PDE4DIP: variants seen among roughly 807,000 people sequenced by gnomAD.
PDE4DIP encodes phosphodiesterase 4D interacting protein, also known as myomegalin.
A neutral mutation model predicts 221.4 loss-of-function variants in PDE4DIP; 59 were observed. That is an observed-to-expected ratio of 0.27 (90% confidence interval 0.22 to 0.33). PDE4DIP has a LOEUF of 0.33. Ranked by LOEUF, PDE4DIP falls within the 10% of genes least tolerant of loss-of-function variation. The pLI, the probability that PDE4DIP is intolerant of heterozygous loss-of-function variation, is 1.00. For synonymous variants in PDE4DIP, 404 were observed against 815.9 expected (o/e 0.50, Z 8.60); for missense variants, 1,036 against 2,154.2 (o/e 0.48, Z 10.28).
chr1:148,892,363 G>A (rs1378091946), intron 1 of PDE4DIP, among the ~76,000 whole-genome samples: 4 of 121,358 alleles, frequency 3.3e-5, no homozygotes, highest in African/African-American at 3.4e-5. Context: ...TCTCTGCTCC[G>A]CCCTAGCGAA....
rs1414395788 is a variant in PDE4DIP, at chr1:148,892,019, T to C, written c.141+2125T>C. Among the ~76,000 whole-genome samples the C allele has an allele frequency of 2.6e-4, 26 of 99,080 alleles. 2 individuals are homozygous for C. The highest frequency in any genetic ancestry group is 1.9e-3 in the Admixed American group (18 of 9,308). 65.0% of individuals were successfully genotyped at this position (99,080 alleles called of 152,430 possible). On this transcript the variant is annotated intron_variant, in intron 1 of 43. Coordinates refer to ENST00000369354, the Ensembl canonical transcript of PDE4DIP. Reference sequence around the variant, plus strand: ...GGAAAGGATTTTGTTGTTGTTGTTGTTGTTCTGAGACAGAGTCTCACTCTG... The same window carrying C: ...GGAAAGGATTTTGTTGTTGTTGTTGCTGTTCTGAGACAGAGTCTCACTCTG...
exon 21 of PDE4DIP, chr1:148,981,276 G>A: frequency 6.2e-7 from 1 of 1,613,234 alleles, no homozygotes; most frequent in Non-Finnish European, 8.5e-7. Context: ...TCAGCTCTGA[G>A]AGAGACCGAA....
intron 5 of PDE4DIP, among the ~76,000 whole-genome samples, chr1:148,948,335 A>AT (rs1422094841): frequency 1.3e-5 from 2 of 152,138 alleles, no homozygotes; most frequent in Non-Finnish European, 2.9e-5. Flanking sequence ...TCCTCCAATC[A>AT]TAAGTGTTTG....
At chr1:148,827,701 T>TTG (rs68053242) in intron 1 of PDE4DIP, among the ~76,000 whole-genome samples, 16,770 of 114,256 alleles carry the variant, frequency 0.15, 603 homozygotes, top group Admixed American at 0.21. Context: ...GTCTGTGTGC[T>TTG]TGTGTGTGTG....
intron 22 of PDE4DIP, among the ~76,000 whole-genome samples, chr1:148,997,793 C>T: frequency 6.6e-6 from 1 of 152,242 alleles, no homozygotes. Context: ...ACTCGCAGGG[C>T]TCTGTCTCCT....
chr1:148,951,120 G>A (rs2053107478), intron 5 of PDE4DIP, among the ~76,000 whole-genome samples: 2 of 152,006 alleles, frequency 1.3e-5, no homozygotes, highest in Admixed American at 1.3e-4. Flanking sequence ...ATGGCATTTG[G>A]ATGTCTTCAG....
At chr1:148,999,626 G>C (rs587735452) in intron 23 of PDE4DIP, among the ~76,000 whole-genome samples, 1 of 151,496 alleles carries the variant, frequency 6.6e-6, no homozygotes, top group South Asian at 2.1e-4. Context: ...TTTTCCTTAA[G>C]TTCTACTTAA....
At chr1:148,978,715 T>G (rs1332639512) in intron 19 of PDE4DIP, among the ~76,000 whole-genome samples, 1 of 152,046 alleles carries the variant, frequency 6.6e-6, no homozygotes, top group Non-Finnish European at 1.5e-5. Flanking sequence ...CCTGAGTAGC[T>G]GGAGCTGCAG....
chr1:148,968,966 T>C (rs1430557664), exon 14 of PDE4DIP: 2 of 1,611,896 alleles, frequency 1.2e-6, no homozygotes, highest in Non-Finnish European at 1.7e-6. Context: ...AAACAAGTGC[T>C]GGAACATGAA....
exon 32 of PDE4DIP, chr1:149,012,682 T>C (rs2068938886): frequency 1.9e-6 from 3 of 1,613,944 alleles, no homozygotes; most frequent in Non-Finnish European, 2.5e-6. Context: ...TCAGCCCCAC[T>C]GGCCCTCTCC....
intron 5 of PDE4DIP, chr1:148,953,379 G>T: frequency 6.2e-7 from 1 of 1,614,180 alleles, no homozygotes; most frequent in Non-Finnish European, 8.5e-7. Flanking sequence ...GGCCCTTCTA[G>T]CAGGTGGTCG....
chr1:148,922,853 T>C (rs1353080455), intron 1 of PDE4DIP, among the ~76,000 whole-genome samples: 13 of 151,098 alleles, frequency 8.6e-5, no homozygotes, highest in Admixed American at 1.3e-4. Context: ...CCCAAAGTGC[T>C]GGGATTACAG....
intron 41 of PDE4DIP, 106 bp from the exon 45 acceptor site, chr1:149,029,681 G>C: frequency 1.3e-6 from 1 of 758,534 alleles, no homozygotes; most frequent in South Asian, 1.7e-5. Context: ...CAGTTCAAGA[G>C]AGTTGAGAAG....
At chr1:148,933,071 T>C (rs1368224472) in intron 4 of PDE4DIP, among the ~76,000 whole-genome samples, 8 of 152,132 alleles carry the variant, frequency 5.3e-5, no homozygotes, top group Non-Finnish European at 1.0e-4. Flanking sequence ...TACATTTCCG[T>C]TGTTTATAAG....
chr1:148,859,834 G>GTA (rs1450843342), intron 1 of PDE4DIP, among the ~76,000 whole-genome samples: 31 of 133,924 alleles, frequency 2.3e-4, no homozygotes, highest in Non-Finnish European at 2.4e-4. Context: ...GTGTGTATGT[G>GTA]TGTGTGTGTG....
chr1:149,023,530 T>C (rs1317431459), intron 37 of PDE4DIP, among the ~76,000 whole-genome samples: 1 of 147,260 alleles, frequency 6.8e-6, no homozygotes, highest in African/African-American at 2.5e-5. Context: ...TGGAGGTAAA[T>C]ATATATACAT....
intron 2 of PDE4DIP, among the ~76,000 whole-genome samples, chr1:148,864,710 A>G (rs1553405292): frequency 3.0e-5 from 3 of 101,402 alleles, no homozygotes; most frequent in African/African-American, 4.4e-5. Flanking sequence ...TTAAATGTCA[A>G]TATTCTACAT....
rs745317187 is a variant in PDE4DIP, at chr1:148,935,011, T to G, written c.518+2723T>G. Reference sequence around the variant, plus strand: ...GGCCGAGGCGGGCGGATCACGAGATTAAGACCATCCTGGCCAACATGGTGA... The same window carrying G: ...GGCCGAGGCGGGCGGATCACGAGATGAAGACCATCCTGGCCAACATGGTGA... On this transcript the variant is annotated intron_variant, in intron 4 of 43. Transcript: ENST00000369354. Among the ~76,000 whole-genome samples the G allele has an allele frequency of 4.4e-3, 666 of 152,020 alleles. 1 individual carries two copies. The highest frequency in any genetic ancestry group is 7.2e-3 in the Non-Finnish European group (492 of 67,936).
exon 7 of PDE4DIP, chr1:148,961,841 T>G: frequency 6.8e-7 from 1 of 1,472,692 alleles, no homozygotes; most frequent in East Asian, 2.3e-5. Flanking sequence ...ATTCAGATTC[T>G]TCAAGAGAAA....
Sources: gnomAD v4.1 joint callset for allele counts (sites outside exome capture counted in the v4.1 genomes callset) on GRCh38, gnomAD v4.1.1 for gene constraint, MANE v1.5 for transcripts, NCBI Gene and HGNC (gene_info 2026-07-23, HGNC 2026-07-21) for gene names.